The following TENM2 variants were observed in gnomAD, a reference collection of about 807,000 sequenced individuals.
TENM2 encodes the protein teneurin transmembrane protein 2.
In TENM2, 52 loss-of-function variants were observed where a neutral mutation model predicts 245.2. That is an observed-to-expected ratio of 0.21 (90% CI 0.17 to 0.27). The LOEUF is 0.27. Among genes scored for constraint, TENM2 ranks in the 10% least tolerant of loss-of-function variants. The pLI, the probability that TENM2 is intolerant of heterozygous loss-of-function variation, is 1.00. For missense variants in TENM2, 3,046 were observed against 3,666.8 expected, an observed-to-expected ratio of 0.83 and a Z score of 4.37; for synonymous variants, 1,363 against 1,438.9, an observed-to-expected ratio of 0.95 and a Z score of 1.19.
At chr5:167,173,452 T>C in the TENM2 span, among the ~76,000 whole-genome samples, 1 of 152,192 alleles carries the variant, frequency 6.6e-6, no homozygotes, top group Non-Finnish European at 1.5e-5. Context: ...GTGTGGATAA[T>C]TGGAAGGCTC....
chr5:167,978,936 T>C (rs1397564437), intron 4 of TENM2, among the ~76,000 whole-genome samples: 1 of 152,144 alleles, frequency 6.6e-6, no homozygotes, highest in Non-Finnish European at 1.5e-5. Flanking sequence ...CTTGCTCCAG[T>C]CTTCTCCTAG....
At chr5:167,397,327 A>G (rs544491233) in intron 2 of TENM2, among the ~76,000 whole-genome samples, 1 of 152,260 alleles carries the variant, frequency 6.6e-6, no homozygotes, top group Non-Finnish European at 1.5e-5. Context: ...TGTTAAAACC[A>G]TACTCATCAG....
intron 5 of TENM2, among the ~76,000 whole-genome samples, chr5:168,022,038 T>C (rs1381818709): frequency 6.6e-6 from 1 of 152,272 alleles, no homozygotes; most frequent in African/African-American, 2.4e-5. Context: ...TAGTGTGATA[T>C]AACAATTAAG....
intron 24 of TENM2, among the ~76,000 whole-genome samples, chr5:168,226,917 A>G (rs1764243569): frequency 6.6e-6 from 1 of 152,222 alleles, no homozygotes; most frequent in African/African-American, 2.4e-5. Context: ...TCAGAGGATA[A>G]AAGTGTCCTC....
chr5:168,011,775 C>T (rs993423781), intron 5 of TENM2, among the ~76,000 whole-genome samples: 2 of 152,078 alleles, frequency 1.3e-5, no homozygotes, highest in South Asian at 2.1e-4. Flanking sequence ...TGAAAAGTAC[C>T]GCTGAATGTA....
At chr5:167,524,263 G>T (rs73365589) in intron 2 of TENM2, among the ~76,000 whole-genome samples, 1 of 151,952 alleles carries the variant, frequency 6.6e-6, no homozygotes. Context: ...CTTTGTACAA[G>T]TTCATAAACA....
rs546763211 is a variant in TENM2 at position 167,703,267 on chromosome 5, C to T, written c.503-172719C>T. Among the ~76,000 whole-genome samples, 366 of 152,216 alleles carry T rather than the reference C, an allele frequency of 2.4e-3. 2 individuals are homozygous for T. The highest frequency in any genetic ancestry group is 8.5e-3 in the African/African-American group (352 of 41,540). The stretch of plus-strand genomic sequence containing the variant: ...CTACATTAAGCCAGACATAGTGGCT[C>T]ACACCTGTAATCCGAGAACTTTGGG... On this transcript the variant is annotated intron_variant, in intron 2 of 28. Coordinates refer to ENST00000518659, the Ensembl canonical transcript of TENM2.
chr5:167,179,110 A>G, the TENM2 span, among the ~76,000 whole-genome samples: 10 of 152,182 alleles, frequency 6.6e-5, no homozygotes, highest in Non-Finnish European at 1.0e-4. Flanking sequence ...TTAATAAGGC[A>G]TTCCACTCTC....
intron 7 of TENM2, among the ~76,000 whole-genome samples, chr5:168,089,365 T>C (rs1270965928): frequency 6.6e-6 from 1 of 152,164 alleles, no homozygotes; most frequent in Admixed American, 6.5e-5. Flanking sequence ...TACAAACTAA[T>C]TCCTTAAAAC....
chr5:167,726,447 T>C (rs1760013199), intron 2 of TENM2, among the ~76,000 whole-genome samples: 1 of 152,144 alleles, frequency 6.6e-6, no homozygotes, highest in African/African-American at 2.4e-5. Context: ...CTTACCTTCC[T>C]TTTTATTTAT....
At chr5:166,984,314 A>G in the TENM2 span, among the ~76,000 whole-genome samples, 1 of 152,100 alleles carries the variant, frequency 6.6e-6, no homozygotes, top group African/African-American at 2.4e-5. Flanking sequence ...TGAAATTGAT[A>G]CTAATGATAA....
intron 7 of TENM2, among the ~76,000 whole-genome samples, chr5:168,086,483 A>AG (rs1213498298): frequency 6.6e-6 from 1 of 152,140 alleles, no homozygotes; most frequent in Non-Finnish European, 1.5e-5. Context: ...AGGGAAAAGG[A>AG]GAGAACTGGG....
At chr5:167,000,683 C>T in the TENM2 span, among the ~76,000 whole-genome samples, 30 of 152,044 alleles carry the variant, frequency 2.0e-4, no homozygotes, top group Non-Finnish European at 4.3e-4. Flanking sequence ...AATCTAAAAC[C>T]ATGTTTTTAC....
chr5:167,303,801 T>C lies in TENM2; in HGVS notation c.226+18738T>C, dbSNP rs540331649. Among the ~76,000 whole-genome samples the C allele has an allele frequency of 9.2e-5, 14 of 152,218 alleles. No individual in the cohort carries two copies. In the South Asian group the frequency reaches 2.9e-3, roughly 32 times the overall value. ...AGATAAACGGGGGAAATAGGCCAGGTTGTCAACTATGCGTCATGGTGGGGA... is the reference window on the plus strand; with the variant it reads ...AGATAAACGGGGGAAATAGGCCAGGCTGTCAACTATGCGTCATGGTGGGGA... On this transcript the variant is annotated intron_variant, in intron 1 of 28. Coordinates refer to ENST00000518659, the Ensembl canonical transcript of TENM2.
At chr5:167,314,339 T>G (rs1044739614) in intron 1 of TENM2, among the ~76,000 whole-genome samples, 3 of 152,164 alleles carry the variant, frequency 2.0e-5, no homozygotes, top group Non-Finnish European at 2.9e-5. Flanking sequence ...AGTAGGTTGT[T>G]AATAAAATGA....
chr5:167,288,698 C>G (rs1754457083), intron 1 of TENM2, among the ~76,000 whole-genome samples: 1 of 152,268 alleles, frequency 6.6e-6, no homozygotes, highest in East Asian at 1.9e-4. Flanking sequence ...TACTATCACT[C>G]CCTTGTTTAC....
At chr5:168,095,784 A>G (rs1207790630) in intron 8 of TENM2, among the ~76,000 whole-genome samples, 1 of 152,198 alleles carries the variant, frequency 6.6e-6, no homozygotes, top group African/African-American at 2.4e-5. Flanking sequence ...GCAAGCTAGC[A>G]TGTTAGCCTG....
At chr5:167,625,616 A>G (rs576757068) in intron 2 of TENM2, among the ~76,000 whole-genome samples, 3 of 152,218 alleles carry the variant, frequency 2.0e-5, no homozygotes, top group South Asian at 4.1e-4. Flanking sequence ...GCTCAGATGT[A>G]TCAGTTATCT....
At chr5:168,135,128 C>A (rs1754933465) in intron 12 of TENM2, among the ~76,000 whole-genome samples, 1 of 152,202 alleles carries the variant, frequency 6.6e-6, no homozygotes, top group South Asian at 2.1e-4. Flanking sequence ...TCAAGACTCT[C>A]ATTGATTCTG....
Sources: gnomAD v4.1 joint callset for allele counts (sites outside exome capture counted in the v4.1 genomes callset) on GRCh38, gnomAD v4.1.1 for gene constraint, MANE v1.5 for transcripts, NCBI Gene and HGNC (gene_info 2026-07-23, HGNC 2026-07-21) for gene names.